Variants in MED13L observed in about 807,000 individuals in gnomAD.
The protein encoded by MED13L is mediator complex subunit 13L, also known as mediator of RNA polymerase II transcription subunit 13-like.
MED13L carries 7 observed loss-of-function variants against 220.9 expected under a neutral mutation model. That is an observed-to-expected ratio of 0.03 (90% CI 0.02 to 0.06). MED13L has a LOEUF of 0.06. Among genes scored for constraint, MED13L ranks in the 10% least tolerant of loss-of-function variants. The pLI is 1.00. For synonymous variants in MED13L, 1,011 were observed against 1,015.2 expected, an observed-to-expected ratio of 1.00 and a Z score of 0.08; for missense variants, 1,965 against 2,760.5, an observed-to-expected ratio of 0.71 and a Z score of 6.46.
chr12:115,991,118 A>C lies in MED13L; in HGVS notation c.3836T>G (p.Leu1279Trp). The C allele has an allele frequency of 1.2e-6, 2 of 1,614,184 alleles. No individual in the cohort carries two copies. The highest frequency in any genetic ancestry group is 1.7e-6 in the Non-Finnish European group (2 of 1,180,020). Reference sequence around the variant, plus strand: ...ATCCACATACTGCCGCCCCTGCTCCAACGCATTAAAGCATTCCGTCCAGTA... The same window carrying C: ...ATCCACATACTGCCGCCCCTGCTCCCACGCATTAAAGCATTCCGTCCAGTA... ...NDYWTECFNALEQGRQYVDNP... is the reference protein window; with the variant it reads ...NDYWTECFNAWEQGRQYVDNP... Residue 1279 changes from leucine to tryptophan, a missense_variant, in exon 17 of 31, where the codon TTG becomes TGG. Physicochemically the swap from Leu to Trp is moderately conservative, Grantham distance 61. Transcript: ENST00000281928. The surrounding 1 kb of genome is among the most constrained non-coding windows in gnomAD (Gnocchi z 7.7).
chr12:115,989,366 G>A (rs1209868594), intron 17 of MED13L, among the ~76,000 whole-genome samples: 1 of 151,952 alleles, frequency 6.6e-6, no homozygotes, highest in Non-Finnish European at 1.5e-5. Flanking sequence ...GCTACCCCTG[G>A]CTTCCAAAAG....
At chr12:115,980,678 G>A in intron 23 of MED13L, 72 bp downstream of exon 23, 2 of 1,502,682 alleles carry the variant, frequency 1.3e-6, no homozygotes, top group Non-Finnish European at 1.8e-6. Flanking sequence ...CAATCTCTGG[G>A]TTAGATAAAA....
chr12:116,151,930 T>C (rs188726029), intron 2 of MED13L, among the ~76,000 whole-genome samples: 1 of 152,312 alleles, frequency 6.6e-6, no homozygotes, highest in East Asian at 1.9e-4. Context: ...GATTCTCAAA[T>C]ACAAATTTCT....
At chr12:116,109,060 C>CTTTTTT (rs751600660) in intron 3 of MED13L, among the ~76,000 whole-genome samples, 2 of 97,082 alleles carry the variant, frequency 2.1e-5, no homozygotes, top group Non-Finnish European at 2.0e-5. Flanking sequence ...AATTAATTTC[C>CTTTTTT]TTTTTTTTTT....
intron 2 of MED13L, among the ~76,000 whole-genome samples, chr12:116,227,602 C>T (rs538528938): frequency 6.6e-6 from 1 of 152,204 alleles, no homozygotes; most frequent in South Asian, 2.1e-4. Context: ...TGTTCAGGGG[C>T]ACCACAAACC....
intron 2 of MED13L, among the ~76,000 whole-genome samples, chr12:116,152,631 G>T (rs1241901362): frequency 6.6e-6 from 1 of 152,112 alleles, no homozygotes; most frequent in Non-Finnish European, 1.5e-5. Flanking sequence ...AATGGCGTGG[G>T]GGGGAAAGCA....
intron 2 of MED13L, among the ~76,000 whole-genome samples, chr12:116,127,672 T>C (rs1178396620): frequency 1.3e-5 from 2 of 152,194 alleles, no homozygotes; most frequent in Non-Finnish European, 2.9e-5. Context: ...GAAATTGTCA[T>C]CCCGTTTCTT....
intron 2 of MED13L, among the ~76,000 whole-genome samples, chr12:116,134,070 C>A (rs1876310786): frequency 6.6e-6 from 1 of 152,174 alleles, no homozygotes; most frequent in South Asian, 2.1e-4. Context: ...TAAGTTCTGA[C>A]CCACAGAGTC....
At chr12:116,020,367 T>C (rs574204179) in intron 5 of MED13L, among the ~76,000 whole-genome samples, 9 of 152,336 alleles carry the variant, frequency 5.9e-5, no homozygotes, top group African/African-American at 2.2e-4. Context: ...CATATCTGTT[T>C]AATAATAGCC....
intron 2 of MED13L, among the ~76,000 whole-genome samples, chr12:116,183,184 T>C (rs1047930321): frequency 6.6e-6 from 1 of 152,208 alleles, no homozygotes; most frequent in Non-Finnish European, 1.5e-5. Flanking sequence ...AACAACTCCT[T>C]ACCTGAGTCT....
chr12:116,182,317 C>T (rs929437888), intron 2 of MED13L, among the ~76,000 whole-genome samples: 2 of 152,170 alleles, frequency 1.3e-5, no homozygotes, highest in Non-Finnish European at 2.9e-5. Context: ...TAAGCCCTTC[C>T]CTTAGCCACT....
At chr12:116,035,710 C>T (rs1881150838) in intron 4 of MED13L, among the ~76,000 whole-genome samples, 1 of 152,046 alleles carries the variant, frequency 6.6e-6, no homozygotes, top group Non-Finnish European at 1.5e-5. Flanking sequence ...CCCACCTACG[C>T]CTCCCGAGTA....
intron 2 of MED13L, among the ~76,000 whole-genome samples, chr12:116,167,241 T>C (rs1364241322): frequency 1.3e-5 from 2 of 152,156 alleles, no homozygotes; most frequent in South Asian, 2.1e-4. Flanking sequence ...AAAAAGATAC[T>C]AGGGTATGGA....
chr12:116,064,628 C>T (rs1869773890), intron 4 of MED13L, among the ~76,000 whole-genome samples: 1 of 152,168 alleles, frequency 6.6e-6, no homozygotes, highest in South Asian at 2.1e-4. Context: ...CTCATTAATA[C>T]TCAGCAAGTC....
intron 2 of MED13L, among the ~76,000 whole-genome samples, chr12:116,155,624 T>C (rs1298801419): frequency 1.3e-5 from 2 of 152,162 alleles, no homozygotes; most frequent in African/African-American, 2.4e-5. Flanking sequence ...CTATTAGCGC[T>C]GTGGGCAGTG....
chr12:116,263,065 T>C (rs1872615798), intron 1 of MED13L, among the ~76,000 whole-genome samples: 1 of 152,182 alleles, frequency 6.6e-6, no homozygotes, highest in Non-Finnish European at 1.5e-5. Flanking sequence ...TTGTGCTCTT[T>C]AGTTGCTAAG....
intron 1 of MED13L, among the ~76,000 whole-genome samples, chr12:116,253,078 G>A (rs1257394985): frequency 4.6e-5 from 7 of 151,788 alleles, no homozygotes; most frequent in East Asian, 3.9e-4. Context: ...CCTGGCCAAC[G>A]TGGTGAAACC....
intron 4 of MED13L, among the ~76,000 whole-genome samples, chr12:116,081,754 C>G (rs901770267): frequency 7.9e-5 from 12 of 152,108 alleles, no homozygotes; most frequent in African/African-American, 2.7e-4. Flanking sequence ...ATAGTCCCAG[C>G]TACTAATGTG....
intron 2 of MED13L, among the ~76,000 whole-genome samples, chr12:116,184,785 T>C (rs1880767257): frequency 2.6e-5 from 4 of 152,218 alleles, no homozygotes; most frequent in Admixed American, 2.6e-4. Flanking sequence ...TGAATTGGCA[T>C]TCTCAGTTTT....
Sources: allele counts gnomAD v4.1 joint callset (sites outside exome capture counted in the v4.1 genomes callset), GRCh38; gene constraint gnomAD v4.1.1; non-coding constraint Gnocchi (gnomAD v3.1); transcripts MANE v1.5; gene names NCBI Gene and HGNC (gene_info 2026-07-23, HGNC 2026-07-21).